The following EXOC2 variants were observed in gnomAD, a reference collection of about 807,000 sequenced individuals.
EXOC2 encodes the protein exocyst complex component 2.
EXOC2 carries 70 observed loss-of-function variants against 131.8 expected under a neutral mutation model. That is an observed-to-expected ratio of 0.53 (90% CI 0.44 to 0.65). EXOC2 has a LOEUF of 0.65. Ranked by LOEUF, EXOC2 falls within the 30% of genes least tolerant of loss-of-function variation. The pLI is 0.00. For missense variants in EXOC2, 923 were observed against 1,108.6 expected (o/e 0.83, Z 2.38); for synonymous variants, 411 against 398.4 (o/e 1.03, Z -0.38).
intron 1 of EXOC2, among the ~76,000 whole-genome samples, chr6:660,661 C>T (rs1473000738): frequency 3.3e-5 from 5 of 152,174 alleles, no homozygotes; most frequent in African/African-American, 1.2e-4. Flanking sequence ...CAGCTTTCAG[C>T]CCTAGACCTT....
chr6:636,798 T>A (rs956798198), intron 2 of EXOC2, among the ~76,000 whole-genome samples: 1 of 152,168 alleles, frequency 6.6e-6, no homozygotes, highest in Non-Finnish European at 1.5e-5. Flanking sequence ...CCTGAGCAGT[T>A]CACAGGCAAG....
chr6:489,366 C>T (rs1201506200), intron 26 of EXOC2, among the ~76,000 whole-genome samples: 1 of 152,088 alleles, frequency 6.6e-6, no homozygotes, highest in Non-Finnish European at 1.5e-5. Context: ...GGAGTCTTTT[C>T]AAAACAAGCA....
chr6:550,575 A>T (rs566629865), intron 21 of EXOC2, among the ~76,000 whole-genome samples: 1 of 152,204 alleles, frequency 6.6e-6, no homozygotes, highest in Admixed American at 6.5e-5. Flanking sequence ...GGTATAAGAC[A>T]AGGTAAATAG....
intron 1 of EXOC2, among the ~76,000 whole-genome samples, chr6:661,441 G>A (rs1184051516): frequency 6.6e-6 from 1 of 152,202 alleles, no homozygotes; most frequent in East Asian, 1.9e-4. Flanking sequence ...ATTAACAGCA[G>A]ATTTCTCAGC....
chr6:629,987 A>C (rs547527943), intron 3 of EXOC2, 26 bp from the exon 4 acceptor site: 1 of 1,611,910 alleles, frequency 6.2e-7, no homozygotes, highest in Admixed American at 1.7e-5. Context: ...GCATATGCTT[A>C]ATAAGATGAA....
At chr6:573,910 TA>T (rs1467553335) in intron 12 of EXOC2, among the ~76,000 whole-genome samples, 1 of 152,220 alleles carries the variant, frequency 6.6e-6, no homozygotes, top group Admixed American at 6.5e-5. Flanking sequence ...CAAGCAAGTA[TA>T]AATGTGTTTT....
intron 23 of EXOC2, among the ~76,000 whole-genome samples, chr6:520,995 A>G (rs866170668): frequency 0.014 from 1,975 of 145,642 alleles, 33 homozygotes; most frequent in Middle Eastern, 0.03. Context: ...CCCGATACTC[A>G]CCGTCCACAC....
chr6:621,741 C>T (rs965482403), intron 4 of EXOC2, among the ~76,000 whole-genome samples: 4 of 152,114 alleles, frequency 2.6e-5, no homozygotes, highest in African/African-American at 9.7e-5. Context: ...ATGTGGCATT[C>T]ATTACTTGCT....
At chr6:510,950 A>G (rs1764811177) in intron 23 of EXOC2, among the ~76,000 whole-genome samples, 13 of 152,250 alleles carry the variant, frequency 8.5e-5, no homozygotes, top group Admixed American at 7.8e-4. Context: ...TTCTGGACAT[A>G]CTACTTCATA....
chr6:685,869 CTTTTTTTTTTTT>C lies in EXOC2; in HGVS notation c.-44+7138_-44+7149del, dbSNP rs58892194. On this transcript the variant is annotated intron_variant, in intron 1 of 27. Transcript: ENST00000230449. ...TAATGTATCCTGCTTTCCTGGACCT[CTTTTTTTTTTTT>C]TTTTTTTTTTTTGAGACGGAGTCTT... 1.2e-4 allele frequency among the ~76,000 whole-genome samples: 12 copies of C among 98,262 alleles called. No homozygotes were observed. The East Asian group carries it at 1.9e-3, about 16-fold the overall frequency. 64.5% of individuals were successfully genotyped at this position (98,262 alleles called of 152,430 possible).
chr6:512,348 A>G (rs541327641), intron 23 of EXOC2, among the ~76,000 whole-genome samples: 1 of 152,346 alleles, frequency 6.6e-6, no homozygotes, highest in South Asian at 2.1e-4. Context: ...AGCCTACTCA[A>G]TGTGAAGATG....
chr6:658,666 T>TATTTTATATATATATATATATATATA (rs1554146211), intron 1 of EXOC2, among the ~76,000 whole-genome samples: 7 of 65,928 alleles, frequency 1.1e-4, no homozygotes, highest in Non-Finnish European at 2.5e-4. Context: ...TATATATATA[T>TATTTTATATATATATATATATATATA]TTTTTTTTTT....
At chr6:589,713 A>T (rs1259590431) in intron 11 of EXOC2, among the ~76,000 whole-genome samples, 2 of 152,186 alleles carry the variant, frequency 1.3e-5, no homozygotes, top group African/African-American at 4.8e-5. Flanking sequence ...CTGCACATGA[A>T]TCGCCCGGGA....
At chr6:508,233 C>CT (rs1454499978) in intron 23 of EXOC2, among the ~76,000 whole-genome samples, 18 of 152,138 alleles carry the variant, frequency 1.2e-4, no homozygotes, top group African/African-American at 4.3e-4. Context: ...TACACACGGC[C>CT]GCCCCAACTG....
chr6:692,116 A>G (rs1764955331), intron 1 of EXOC2, among the ~76,000 whole-genome samples: 1 of 151,406 alleles, frequency 6.6e-6, no homozygotes, highest in African/African-American at 2.4e-5. Context: ...AATATTGCAT[A>G]GTGCACACAA....
chr6:554,300 A>G (rs1326698047), intron 20 of EXOC2, among the ~76,000 whole-genome samples: 2 of 152,206 alleles, frequency 1.3e-5, no homozygotes, highest in African/African-American at 2.4e-5. Flanking sequence ...TCGGCCTCCC[A>G]AAGTGCTGGA....
intron 13 of EXOC2, among the ~76,000 whole-genome samples, chr6:568,805 C>T (rs1187403888): frequency 2.6e-5 from 4 of 152,050 alleles, no homozygotes; most frequent in African/African-American, 4.8e-5. Flanking sequence ...CAAAGAAAAG[C>T]GTGAAAATCT....
intron 11 of EXOC2, among the ~76,000 whole-genome samples, chr6:580,045 TTTG>T (rs1254919831): frequency 2.8e-4 from 25 of 88,200 alleles, no homozygotes; most frequent in African/African-American, 8.6e-4. Context: ...TGCAGTTTTT[TTTG>T]TTTTTTTTTT....
At chr6:517,220 G>A (rs1374426831) in intron 23 of EXOC2, among the ~76,000 whole-genome samples, 1 of 152,030 alleles carries the variant, frequency 6.6e-6, no homozygotes, top group Non-Finnish European at 1.5e-5. Context: ...TCCTCCCAAC[G>A]GCTGATTCTA....
Sources: allele counts gnomAD v4.1 joint callset (sites outside exome capture counted in the v4.1 genomes callset), GRCh38; gene constraint gnomAD v4.1.1; transcripts MANE v1.5; gene names NCBI Gene and HGNC (gene_info 2026-07-23, HGNC 2026-07-21).